LDLRAD4: variants seen among roughly 807,000 people sequenced by gnomAD.
LDLRAD4 encodes low-density lipoprotein receptor class A domain-containing protein 4.
Under a neutral mutation model 17.0 loss-of-function variants are expected in LDLRAD4, and 5 were observed. The observed-to-expected ratio is 0.29, with a 90% confidence interval of 0.15 to 0.62. The LOEUF is 0.62. Ranked by LOEUF, LDLRAD4 falls within the 20% of genes least tolerant of loss-of-function variation. LDLRAD4 has a pLI of 0.84. For missense variants in LDLRAD4, 340 were observed against 424.7 expected (o/e 0.80, Z 1.75); for synonymous variants, 168 against 171.8 (o/e 0.98, Z 0.17).
chr18:13,405,074 G>C (rs1025205933), intron 2 of LDLRAD4, among the ~76,000 whole-genome samples: 1 of 151,802 alleles, frequency 6.6e-6, no homozygotes, highest in Non-Finnish European at 1.5e-5. Flanking sequence ...CTGCACGTTT[G>C]CTATTTTGAT....
chr18:13,491,574 T>A (rs1210208372), intron 3 of LDLRAD4: 1 of 152,176 alleles, frequency 6.6e-6, no homozygotes, highest in African/African-American at 2.4e-5. Context: ...CTTTAAAGAT[T>A]ATATGTAGTG....
intron 1 of LDLRAD4, among the ~76,000 whole-genome samples, chr18:13,310,527 G>T (rs908800708): frequency 6.6e-6 from 1 of 152,200 alleles, no homozygotes. Flanking sequence ...CATGGGTGTG[G>T]AAGAACCAGG....
intron 3 of LDLRAD4, among the ~76,000 whole-genome samples, chr18:13,567,848 T>C (rs2094627653): frequency 6.6e-6 from 1 of 152,208 alleles, no homozygotes; most frequent in Non-Finnish European, 1.5e-5. Flanking sequence ...AACTCTAGTT[T>C]GGACATGTCT....
At chr18:13,295,345 T>A (rs542152518) in intron 1 of LDLRAD4, among the ~76,000 whole-genome samples, 1 of 152,316 alleles carries the variant, frequency 6.6e-6, no homozygotes, top group East Asian at 1.9e-4. Flanking sequence ...GGGTTTCTTC[T>A]GTAGAAGCAT....
At chr18:13,525,245 G>A (rs1285196074) in intron 3 of LDLRAD4, among the ~76,000 whole-genome samples, 1 of 152,162 alleles carries the variant, frequency 6.6e-6, no homozygotes, top group Admixed American at 6.5e-5. Context: ...GAGCTTGGGT[G>A]TCCCTATTTG....
chr18:13,499,914 C>T (rs957028591), intron 3 of LDLRAD4, among the ~76,000 whole-genome samples: 3 of 152,162 alleles, frequency 2.0e-5, no homozygotes, highest in East Asian at 1.9e-4. Flanking sequence ...GTCAAGCAGC[C>T]GCATCTCCAC....
At chr18:13,353,065 T>TA (rs1491474781) in intron 1 of LDLRAD4, among the ~76,000 whole-genome samples, 1 of 152,164 alleles carries the variant, frequency 6.6e-6, no homozygotes, top group Non-Finnish European at 1.5e-5. Context: ...ATTTAAGACT[T>TA]ATGTGGTAAA....
At position 13,378,559 on chromosome 18, in the gene LDLRAD4, ATT is replaced by A. The variant is rs1387659974; in HGVS notation, c.-382-8778_-382-8777del. 2.6e-5 allele frequency among the ~76,000 whole-genome samples: 4 copies of A among 152,210 alleles called. No individual in the cohort carries two copies. In the East Asian group the frequency reaches 7.7e-4, roughly 29 times the overall value. On this transcript the variant is annotated intron_variant, in intron 1 of 5. Transcript: ENST00000359446. ...ATGTAAAAACTTGGTCAAATTTATT[ATT>A]TTTCTTTCTATTGCTGCTTTTTAAA...
chr18:13,286,683 A>G (rs774963446), intron 1 of LDLRAD4, among the ~76,000 whole-genome samples: 2 of 152,222 alleles, frequency 1.3e-5, no homozygotes, highest in African/African-American at 2.4e-5. Context: ...AGACAGTGTC[A>G]TTAGATGCGT....
intron 3 of LDLRAD4, among the ~76,000 whole-genome samples, chr18:13,447,334 C>T (rs1035087041): frequency 6.6e-6 from 1 of 152,194 alleles, no homozygotes; most frequent in Non-Finnish European, 1.5e-5. Flanking sequence ...GCGCTGGCAG[C>T]CTCACACCCT....
chr18:13,361,149 A>G (rs973679214), intron 1 of LDLRAD4, among the ~76,000 whole-genome samples: 5 of 152,094 alleles, frequency 3.3e-5, no homozygotes, highest in African/African-American at 4.8e-5. Context: ...CTCAAAATAC[A>G]CTTCTACAAG....
intron 3 of LDLRAD4, among the ~76,000 whole-genome samples, chr18:13,555,886 T>TTTTG (rs78999815): frequency 0.56 from 85,439 of 152,110 alleles, 24,307 homozygotes; most frequent in Admixed American, 0.58. Context: ...GGAAAGCAGT[T>TTTTG]TGTGTGAATT....
chr18:13,483,627 G>A (rs2093149573), intron 3 of LDLRAD4, among the ~76,000 whole-genome samples: 2 of 152,194 alleles, frequency 1.3e-5, no homozygotes, highest in South Asian at 4.1e-4. Context: ...AAGCTAGGAT[G>A]TGTTTGCCGG....
intron 3 of LDLRAD4, among the ~76,000 whole-genome samples, chr18:13,495,250 G>C (rs2093443550): frequency 6.6e-6 from 1 of 152,194 alleles, no homozygotes; most frequent in African/African-American, 2.4e-5. Context: ...CTCCCTGCGT[G>C]GGGAGGTGGT....
intron 1 of LDLRAD4, among the ~76,000 whole-genome samples, chr18:13,224,743 G>A (rs2145390346): frequency 6.6e-6 from 1 of 151,714 alleles, no homozygotes; most frequent in South Asian, 2.1e-4. Context: ...GCCTCCCAAA[G>A]TGCTGAGATT....
chr18:13,318,903 C>T (rs1009853072), intron 1 of LDLRAD4, among the ~76,000 whole-genome samples: 8 of 152,174 alleles, frequency 5.3e-5, no homozygotes, highest in Non-Finnish European at 8.8e-5. Flanking sequence ...CACCACGGAC[C>T]GCAGTCCCCT....
intron 3 of LDLRAD4, among the ~76,000 whole-genome samples, chr18:13,607,351 G>T (rs2148677004): frequency 6.6e-6 from 1 of 152,346 alleles, no homozygotes; most frequent in Middle Eastern, 3.4e-3. Context: ...GCATATAGCA[G>T]TAAACCTTTA....
At chr18:13,499,475 G>A (rs1196474374) in intron 3 of LDLRAD4, among the ~76,000 whole-genome samples, 3 of 129,866 alleles carry the variant, frequency 2.3e-5, no homozygotes, top group East Asian at 2.4e-4. Flanking sequence ...ACTCACACAC[G>A]TCCCGCCGTG....
chr18:13,635,366 AC>A (rs1419434742), intron 4 of LDLRAD4, among the ~76,000 whole-genome samples: 3 of 152,116 alleles, frequency 2.0e-5, no homozygotes, highest in Non-Finnish European at 4.4e-5. Context: ...TTACCTAATT[AC>A]CTAGCAAAGA....
Sources: gnomAD v4.1 joint callset for allele counts (sites outside exome capture counted in the v4.1 genomes callset) on GRCh38, gnomAD v4.1.1 for gene constraint, MANE v1.5 for transcripts, NCBI Gene and HGNC (gene_info 2026-07-23, HGNC 2026-07-21) for gene names.